Variants in RAPGEF1 observed in about 807,000 individuals in gnomAD.
The protein encoded by RAPGEF1 is CRK SH3-binding GNRP.
A neutral mutation model predicts 143.3 loss-of-function variants in RAPGEF1; 33 were observed. The ratio of observed to expected loss-of-function variants is 0.23; its 90% CI spans 0.17 to 0.31. RAPGEF1 has a LOEUF of 0.31. Among genes scored for constraint, RAPGEF1 ranks in the 10% least tolerant of loss-of-function variants. The probability of loss-of-function intolerance (pLI) is 1.00; values close to 1 mark genes in which losing one functional copy is unlikely to be tolerated. For missense variants in RAPGEF1, 1,199 were observed against 1,645.4 expected (o/e 0.73, Z 4.69); for synonymous variants, 629 against 676.5 (o/e 0.93, Z 1.09).
chr9:131,608,759 C>T (rs1238214716), intron 12 of RAPGEF1, among the ~76,000 whole-genome samples: 1 of 152,178 alleles, frequency 6.6e-6, no homozygotes, highest in Non-Finnish European at 1.5e-5. Context: ...GCCCCTTGGG[C>T]TCTGCAGATG....
At chr9:131,654,311 T>A (rs1971884281) in intron 1 of RAPGEF1, among the ~76,000 whole-genome samples, 1 of 152,220 alleles carries the variant, frequency 6.6e-6, no homozygotes, top group Non-Finnish European at 1.5e-5. Context: ...GCTATTTTTT[T>A]AAAAAAGCCC....
intron 1 of RAPGEF1, among the ~76,000 whole-genome samples, chr9:131,656,563 C>T (rs940255013): frequency 2.0e-5 from 3 of 151,296 alleles, no homozygotes; most frequent in Admixed American, 6.6e-5. Flanking sequence ...TTCTCTGGTG[C>T]TCAAAGATCT....
At chr9:131,632,542 A>G (rs1175334126) in intron 5 of RAPGEF1, among the ~76,000 whole-genome samples, 3 of 152,234 alleles carry the variant, frequency 2.0e-5, no homozygotes. Context: ...CGTATCATTA[A>G]TGTGGTAATT....
At chr9:131,597,192 C>T (rs575179220) in intron 16 of RAPGEF1, among the ~76,000 whole-genome samples, 3 of 152,348 alleles carry the variant, frequency 2.0e-5, no homozygotes, top group African/African-American at 4.8e-5. Flanking sequence ...GTACACACTC[C>T]GGGACTAGCC....
chr9:131,707,467 GGCTC>G (rs1305996989), intron 1 of RAPGEF1, among the ~76,000 whole-genome samples: 1 of 152,040 alleles, frequency 6.6e-6, no homozygotes, highest in Non-Finnish European at 1.5e-5. Context: ...TTGAAACAGA[GGCTC>G]TCTCTGTTGC....
chr9:131,739,686 G>C, intron 1 of RAPGEF1, 84 bp downstream of exon 1: 5 of 981,618 alleles, frequency 5.1e-6, no homozygotes, highest in Non-Finnish European at 6.1e-6. Context: ...CGCACATCCC[G>C]GGCGACCCGC....
intron 1 of RAPGEF1, among the ~76,000 whole-genome samples, chr9:131,678,316 A>C (rs913615180): frequency 1.3e-5 from 2 of 152,234 alleles, no homozygotes; most frequent in African/African-American, 4.8e-5. Context: ...CAGAAGAGGG[A>C]CTTTTCCTAG....
At chr9:131,680,257 C>A (rs1249773693) in intron 1 of RAPGEF1, among the ~76,000 whole-genome samples, 1 of 152,206 alleles carries the variant, frequency 6.6e-6, no homozygotes, top group East Asian at 1.9e-4. Flanking sequence ...CTTTTTTCTA[C>A]TGAATCACGA....
intron 16 of RAPGEF1, among the ~76,000 whole-genome samples, chr9:131,597,888 C>A (rs984921848): frequency 6.6e-6 from 1 of 152,182 alleles, no homozygotes; most frequent in Non-Finnish European, 1.5e-5. Context: ...CACATGCAGG[C>A]TCTGTCTGCA....
At chr9:131,608,454 G>A (rs961454114) in intron 12 of RAPGEF1, among the ~76,000 whole-genome samples, 6 of 152,188 alleles carry the variant, frequency 3.9e-5, no homozygotes, top group Non-Finnish European at 7.3e-5. Context: ...GGTAAGAGAC[G>A]AACTTCACCC....
At chr9:131,684,085 T>A (rs961523427) in intron 1 of RAPGEF1, among the ~76,000 whole-genome samples, 1 of 152,244 alleles carries the variant, frequency 6.6e-6, no homozygotes, top group African/African-American at 2.4e-5. Flanking sequence ...AGATACAGCA[T>A]TACCTGGAAA....
intron 18 of RAPGEF1, among the ~76,000 whole-genome samples, chr9:131,590,882 A>G (rs1954111883): frequency 6.6e-6 from 1 of 152,254 alleles, no homozygotes; most frequent in African/African-American, 2.4e-5. Context: ...AAGCAGCCAC[A>G]TGGGTCAGGT....
chr9:131,696,124 C>A lies in RAPGEF1; in HGVS notation c.61+43646G>T, dbSNP rs1002426818. 2.0e-5 allele frequency among the ~76,000 whole-genome samples: 3 copies of A among 152,270 alleles called. No homozygotes were observed. The South Asian group carries it at 6.2e-4, about 32-fold the overall frequency. ...TCACCACAGGACAGCTGGTCTCCCC[C>A]CAGAGCAGGGGATCCAAGAGAGACA... On this transcript the variant is annotated intron_variant, in intron 1 of 26. Coordinates refer to ENST00000683357, the MANE Select transcript of RAPGEF1 (RefSeq NM_001377935.1).
chr9:131,738,115 G>A (rs12343162), intron 1 of RAPGEF1, among the ~76,000 whole-genome samples: 17,766 of 152,096 alleles, frequency 0.12, 1,225 homozygotes, highest in Middle Eastern at 0.27. Flanking sequence ...GTACCTGGCT[G>A]ACAGATGATT....
intron 18 of RAPGEF1, among the ~76,000 whole-genome samples, chr9:131,590,238 C>T (rs1953976897): frequency 6.6e-6 from 1 of 152,200 alleles, no homozygotes; most frequent in African/African-American, 2.4e-5. Context: ...CTGCACTGTC[C>T]AGACCCGCCT....
intron 1 of RAPGEF1, among the ~76,000 whole-genome samples, chr9:131,735,609 G>A (rs1837363216): frequency 6.6e-6 from 1 of 152,204 alleles, no homozygotes; most frequent in Non-Finnish European, 1.5e-5. Flanking sequence ...AAGGGATGGG[G>A]CAAAGGTTTC....
At chr9:131,690,308 C>T (rs980400698) in intron 1 of RAPGEF1, among the ~76,000 whole-genome samples, 3 of 152,068 alleles carry the variant, frequency 2.0e-5, no homozygotes, top group Admixed American at 6.5e-5. Context: ...AGTAGAGTGA[C>T]GGTTCTTCCA....
intron 1 of RAPGEF1, among the ~76,000 whole-genome samples, chr9:131,730,222 A>C (rs11998800): frequency 6.6e-6 from 1 of 151,006 alleles, no homozygotes; most frequent in Non-Finnish European, 1.5e-5. Flanking sequence ...AAAAAGAAAC[A>C]AATTAACAAA....
At chr9:131,618,660 T>C (rs1253248371) in intron 12 of RAPGEF1, among the ~76,000 whole-genome samples, 2 of 152,222 alleles carry the variant, frequency 1.3e-5, no homozygotes, top group South Asian at 4.1e-4. Context: ...GTGATCCTCC[T>C]GTCTCAGCCT....
Sources: gnomAD v4.1 joint callset for allele counts (sites outside exome capture counted in the v4.1 genomes callset) on GRCh38, gnomAD v4.1.1 for gene constraint, MANE v1.5 for transcripts, NCBI Gene and HGNC (gene_info 2026-07-23, HGNC 2026-07-21) for gene names.